ANXA4: variants seen among roughly 807,000 people sequenced by gnomAD.
ANXA4 encodes the protein 35-beta calcimedin.
ANXA4 carries 39 observed loss-of-function variants against 49.8 expected under a neutral mutation model. That is an observed-to-expected ratio of 0.78 (90% CI 0.61 to 1.02). ANXA4 has a LOEUF of 1.02. Among genes scored for constraint, ANXA4 ranks in the 50% least tolerant of loss-of-function variants. The pLI is 0.00. For synonymous variants in ANXA4, 134 were observed against 152.5 expected (o/e 0.88, Z 0.89); for missense variants, 360 against 410.1 (o/e 0.88, Z 1.05).
At chr2:69,684,551 G>A (rs1677713272) in intron 2 of ANXA4, among the ~76,000 whole-genome samples, 1 of 151,678 alleles carries the variant, frequency 6.6e-6, no homozygotes, top group African/African-American at 2.4e-5. Flanking sequence ...GGCATGGTGG[G>A]GTGGTGTGCA....
chr2:69,726,113 G>A (rs1400035257), intron 3 of ANXA4, among the ~76,000 whole-genome samples: 1 of 152,160 alleles, frequency 6.6e-6, no homozygotes, highest in East Asian at 1.9e-4. Context: ...CCCAGGTGTC[G>A]AGGGAGGGAC....
intron 3 of ANXA4, among the ~76,000 whole-genome samples, chr2:69,728,593 T>C (rs1670020905): frequency 6.6e-6 from 1 of 152,232 alleles, no homozygotes; most frequent in Non-Finnish European, 1.5e-5. Flanking sequence ...TCACATGATA[T>C]CCAACTGATC....
At chr2:69,754,071 T>C (rs889989180) in intron 1 of ANXA4, among the ~76,000 whole-genome samples, 3 of 152,230 alleles carry the variant, frequency 2.0e-5, no homozygotes, top group East Asian at 1.9e-4. Flanking sequence ...ACAGATATCA[T>C]GGAATATCAG....
upstream of ANXA4, chr2:69,643,841 G>C: frequency 2.5e-6 from 3 of 1,181,404 alleles, no homozygotes; most frequent in African/African-American, 3.2e-5. Flanking sequence ...CGCGGCGAGG[G>C]ACCGGGGCCT....
intron 3 of ANXA4, among the ~76,000 whole-genome samples, chr2:69,722,330 G>A (rs1162510419): frequency 1.3e-5 from 2 of 152,196 alleles, no homozygotes; most frequent in Non-Finnish European, 2.9e-5. Context: ...AGTGTTCACG[G>A]CAGCGTTATT....
At chr2:69,792,445 G>A (rs759910202) in intron 3 of ANXA4, among the ~76,000 whole-genome samples, 18 of 152,102 alleles carry the variant, frequency 1.2e-4, no homozygotes, top group Admixed American at 3.9e-4. Flanking sequence ...TCACATACCT[G>A]TTATAACCCT....
chr2:69,705,758 C>T (rs1678474954), intron 2 of ANXA4, among the ~76,000 whole-genome samples: 1 of 152,144 alleles, frequency 6.6e-6, no homozygotes, highest in South Asian at 2.1e-4. Flanking sequence ...ATGGTGAGAC[C>T]CTGTTTCTAT....
At position 69,812,723 on chromosome 2, in the gene ANXA4, C is replaced by G; in HGVS notation, c.534+14C>G. On this transcript the variant is annotated intron_variant, in intron 8 of 12. Transcript: ENST00000394295. ...CAGGATGCCCAGGTTGGTAGAACTG[C>G]AGCTTCTTTCTTCCAGCTTTCTTCT... 2 of 1,613,344 alleles carry G rather than the reference C, an allele frequency of 1.2e-6. No homozygotes were observed. The highest frequency in any genetic ancestry group is 2.7e-5 in the African/African-American group (2 of 75,008).
At chr2:69,683,204 G>A (rs1677658852) in intron 2 of ANXA4, among the ~76,000 whole-genome samples, 1 of 152,130 alleles carries the variant, frequency 6.6e-6, no homozygotes, top group Non-Finnish European at 1.5e-5. Context: ...ACTCAGGCCT[G>A]CTAAATGCGG....
rs1367657591 is a variant in ANXA4 at position 69,648,971 on chromosome 2, C to A, written n.482-4027C>A. Among the ~76,000 whole-genome samples, 3 of 148,764 alleles carry A rather than the reference C, an allele frequency of 2.0e-5. No individual in the cohort carries two copies. In the South Asian group the frequency reaches 6.5e-4, roughly 32 times the overall value. On this transcript the variant is annotated intron_variant and non_coding_transcript_variant, in intron 1 of 3. Coordinates refer to the ANXA4 transcript ENST00000418066. ...CACAATCTTGGCTCACCGCAACCTC[C>A]GCCTCCCAGGTTCAAGCGATTCTCC...
At chr2:69,734,193 C>A (rs780445715) in intron 3 of ANXA4, among the ~76,000 whole-genome samples, 1 of 152,196 alleles carries the variant, frequency 6.6e-6, no homozygotes, top group Non-Finnish European at 1.5e-5. Flanking sequence ...GGTTATCTGG[C>A]CTCTAGTCTC....
At chr2:69,680,631 C>T (rs1438980612) in intron 2 of ANXA4, among the ~76,000 whole-genome samples, 2 of 152,138 alleles carry the variant, frequency 1.3e-5, no homozygotes, top group Admixed American at 6.5e-5. Flanking sequence ...ATGATGTTAG[C>T]TGTGGGTTTG....
chr2:69,684,618 G>T (rs533303346), intron 2 of ANXA4, among the ~76,000 whole-genome samples: 1 of 150,412 alleles, frequency 6.6e-6, no homozygotes, highest in Admixed American at 6.6e-5. Flanking sequence ...AAACCAGGAG[G>T]TTGAGACTGT....
intron 1 of ANXA4, among the ~76,000 whole-genome samples, chr2:69,780,632 C>G (rs1400505764): frequency 1.3e-5 from 2 of 152,110 alleles, no homozygotes; most frequent in Non-Finnish European, 2.9e-5. Context: ...GTCCCAGTGA[C>G]TCGGGAGGCT....
chr2:69,812,764 C>T, intron 8 of ANXA4, 55 bp downstream of exon 8: 3 of 1,517,612 alleles, frequency 2.0e-6, no homozygotes, highest in South Asian at 2.2e-5. Context: ...GCCAATGAGA[C>T]AGGCCTTAGT....
chr2:69,731,388 C>G (rs1670090477), intron 3 of ANXA4, among the ~76,000 whole-genome samples: 1 of 152,234 alleles, frequency 6.6e-6, no homozygotes, highest in African/African-American at 2.4e-5. Flanking sequence ...AGCTCTACTA[C>G]AAAAACCTGT....
intron 2 of ANXA4, among the ~76,000 whole-genome samples, chr2:69,718,699 GCACATGCGCA>G (rs964146621): frequency 2.0e-5 from 3 of 151,684 alleles, no homozygotes; most frequent in African/African-American, 2.4e-5. Context: ...ATGCATGCAT[GCACATGCGCA>G]CACATGCACA....
At chr2:69,659,941 T>G (rs1320422883) in intron 2 of ANXA4, among the ~76,000 whole-genome samples, 1 of 152,104 alleles carries the variant, frequency 6.6e-6, no homozygotes, top group South Asian at 2.1e-4. Context: ...AGCACCTTAG[T>G]CCTGGGCCTG....
At chr2:69,815,325 T>C (rs1192894395) in intron 8 of ANXA4, 1 of 152,204 alleles carries the variant, frequency 6.6e-6, no homozygotes, top group African/African-American at 2.4e-5. Context: ...ATTATGTGAA[T>C]TGACTCTAAA....
Sources: gnomAD v4.1 joint callset for allele counts (sites outside exome capture counted in the v4.1 genomes callset) on GRCh38, gnomAD v4.1.1 for gene constraint, MANE v1.5 for transcripts, NCBI Gene and HGNC (gene_info 2026-07-23, HGNC 2026-07-21) for gene names.